Variants in WDFY2 observed in about 807,000 individuals in gnomAD.
WDFY2 encodes the protein WD repeat and FYVE domain-containing protein 2.
Under a neutral mutation model 56.4 loss-of-function variants are expected in WDFY2, and 36 were observed. The observed-to-expected ratio is 0.64, with a 90% CI of 0.49 to 0.84. WDFY2 has a LOEUF of 0.84. WDFY2 is among the 40% of genes least tolerant of loss of function. The pLI, the probability that WDFY2 is intolerant of heterozygous loss-of-function variation, is 0.00. For missense variants in WDFY2, 444 were observed against 512.2 expected, an observed-to-expected ratio of 0.87 and a Z score of 1.29; for synonymous variants, 176 against 183.7, an observed-to-expected ratio of 0.96 and a Z score of 0.34.
At chr13:51,644,535 C>A (rs1208046339) in intron 1 of WDFY2, among the ~76,000 whole-genome samples, 1 of 152,180 alleles carries the variant, frequency 6.6e-6, no homozygotes, top group Non-Finnish European at 1.5e-5. Flanking sequence ...CTGATAAAAA[C>A]TCCAAGGGGA....
intron 1 of WDFY2, among the ~76,000 whole-genome samples, chr13:51,612,863 T>C (rs916647953): frequency 1.3e-5 from 2 of 152,246 alleles, no homozygotes; most frequent in Non-Finnish European, 2.9e-5. Flanking sequence ...GTGGTATATT[T>C]CTTCTTATTA....
chr13:51,757,120 C>A (rs1405219110), intron 10 of WDFY2, among the ~76,000 whole-genome samples: 1 of 152,208 alleles, frequency 6.6e-6, no homozygotes, highest in East Asian at 1.9e-4. Flanking sequence ...AGCTTGTCTT[C>A]TCAATCCTTC....
At chr13:51,656,053 CTTT>C (rs545474478) in intron 1 of WDFY2, among the ~76,000 whole-genome samples, 2 of 133,536 alleles carry the variant, frequency 1.5e-5, no homozygotes, top group African/African-American at 2.7e-5. Context: ...CTATCTTTCC[CTTT>C]TTTTTTTTTT....
intron 1 of WDFY2, among the ~76,000 whole-genome samples, chr13:51,631,770 C>T (rs541168150): frequency 3.5e-4 from 53 of 152,294 alleles, no homozygotes; most frequent in African/African-American, 1.3e-3. Context: ...CTCAAGCAGT[C>T]CTCCCATCTC....
intron 5 of WDFY2, among the ~76,000 whole-genome samples, chr13:51,721,423 T>C: frequency 6.6e-6 from 1 of 152,178 alleles, no homozygotes; most frequent in Non-Finnish European, 1.5e-5. Context: ...CTTTTTAAAC[T>C]ATTTGAAAAT....
intron 8 of WDFY2, among the ~76,000 whole-genome samples, chr13:51,753,954 A>G (rs1953299536): frequency 6.6e-6 from 1 of 151,908 alleles, no homozygotes; most frequent in South Asian, 2.1e-4. Context: ...TTAGCCAGGC[A>G]TGGTTGCAGA....
chr13:51,664,766 A>C (rs143198432), intron 2 of WDFY2, among the ~76,000 whole-genome samples: 11 of 152,304 alleles, frequency 7.2e-5, no homozygotes, highest in Non-Finnish European at 1.3e-4. Flanking sequence ...GTGATCTTTA[A>C]TGAGAAAGGA....
chr13:51,694,365 T>G (rs1442073925), intron 3 of WDFY2, among the ~76,000 whole-genome samples: 7 of 152,204 alleles, frequency 4.6e-5, no homozygotes, highest in Admixed American at 3.9e-4. Flanking sequence ...AGGAGCTCTT[T>G]TAGGGCAGGC....
chr13:51,751,866 A>G lies in WDFY2; in HGVS notation c.831+451A>G, dbSNP rs1306321114. On this transcript the variant is annotated intron_variant, in intron 8 of 11. Coordinates refer to ENST00000298125, the MANE Select transcript of WDFY2 (RefSeq NM_052950.4). Reference sequence around the variant, plus strand: ...GTACTTTATAAGTCATGTTCTAAATAGTTCCCCAGATATCAATATATCCTT... The same window carrying G: ...GTACTTTATAAGTCATGTTCTAAATGGTTCCCCAGATATCAATATATCCTT... Among the ~76,000 whole-genome samples the G allele has an allele frequency of 3.3e-5, 5 of 152,378 alleles. No homozygotes were observed. In the East Asian group the frequency reaches 9.6e-4, roughly 29 times the overall value.
rs1953586759 is a variant in WDFY2 at position 51,761,660 on chromosome 13, C to G, written c.*1891C>G. 1 of 152,244 alleles carries G rather than the reference C, an allele frequency of 6.6e-6. No individual in the cohort carries two copies. Among genetic ancestry groups the G allele is most frequent in the South Asian group, 2.1e-4 (1 of 4,832 alleles). 9.4% of individuals were successfully genotyped at this position (152,244 alleles called of 1,614,324 possible). On this transcript the variant is annotated 3_prime_UTR_variant, in exon 12 of 12. Transcript: ENST00000298125. ...TTGCCCTCACAATCATTCATTACTT[C>G]TCTAACTAGGGGGAAGTACTACAAG...
intron 4 of WDFY2, among the ~76,000 whole-genome samples, chr13:51,709,411 C>A (rs533590150): frequency 1.3e-5 from 2 of 152,054 alleles, no homozygotes; most frequent in Non-Finnish European, 2.9e-5. Flanking sequence ...CCAATGCTTC[C>A]GGAGGTGGGA....
chr13:51,751,972 CAAAT>C (rs1375492288), intron 8 of WDFY2, among the ~76,000 whole-genome samples: 2 of 152,308 alleles, frequency 1.3e-5, no homozygotes, highest in East Asian at 3.9e-4. Context: ...ATCTTAACAA[CAAAT>C]ATGTTTCCTG....
At chr13:51,663,430 T>A (rs575414604) in intron 2 of WDFY2, among the ~76,000 whole-genome samples, 1 of 152,296 alleles carries the variant, frequency 6.6e-6, no homozygotes, top group African/African-American at 2.4e-5. Flanking sequence ...AGATGATTTC[T>A]CTTGAAATCA....
chr13:51,689,836 G>C (rs564135507), intron 3 of WDFY2, among the ~76,000 whole-genome samples: 18 of 152,258 alleles, frequency 1.2e-4, no homozygotes, highest in African/African-American at 4.3e-4. Flanking sequence ...ATTAAGCAAA[G>C]CCTAACATCA....
chr13:51,598,596 G>A (rs1954202063), intron 1 of WDFY2: 1 of 152,120 alleles, frequency 6.6e-6, no homozygotes, highest in South Asian at 2.1e-4. Context: ...TGATCCCTAA[G>A]GAATTCCTCA....
At chr13:51,692,883 G>C (rs1406674083) in intron 3 of WDFY2, among the ~76,000 whole-genome samples, 1 of 152,120 alleles carries the variant, frequency 6.6e-6, no homozygotes, top group Non-Finnish European at 1.5e-5. Context: ...CCTGTTATTG[G>C]TCTATTCAGA....
rs67418551 is a variant in WDFY2 at position 51,737,551 on chromosome 13, TAAAAAAAAAAAAAA to T, written c.599-1480_599-1467del. The stretch of plus-strand genomic sequence containing the variant: ...CTACTGGGGCAGGAGACAATGAATT[TAAAAAAAAAAAAAA>T]AAAAAAAAAAAAAAAAAGAATAATC... On this transcript the variant is annotated intron_variant, in intron 6 of 11. Coordinates refer to ENST00000298125, the MANE Select transcript of WDFY2 (RefSeq NM_052950.4). Among the ~76,000 whole-genome samples the T allele has an allele frequency of 2.1e-3, 113 of 53,256 alleles. 2 individuals carry two copies. Among genetic ancestry groups the T allele is most frequent in the South Asian group, 0.018 (23 of 1,288 alleles). The allele number at this position is 53,256 out of a possible 152,430, so 34.9% of individuals were successfully genotyped here.
chr13:51,589,686 G>A (rs1954007897), intron 1 of WDFY2: 1 of 152,138 alleles, frequency 6.6e-6, no homozygotes, highest in Admixed American at 6.5e-5. Context: ...TGAAAGTTGA[G>A]GACTTTTCAG....
At position 51,666,565 on chromosome 13, in the gene WDFY2, C is replaced by G. The variant is rs755349267; in HGVS notation, c.205+5902C>G. 8.5e-5 allele frequency among the ~76,000 whole-genome samples: 13 copies of G among 152,228 alleles called. 1 individual carries two copies. Among genetic ancestry groups the G allele is most frequent in the South Asian group, 8.3e-4 (4 of 4,816 alleles). On this transcript the variant is annotated intron_variant, in intron 2 of 11. Coordinates refer to ENST00000298125, the MANE Select transcript of WDFY2 (RefSeq NM_052950.4). ...TCTTCTGTTTATTCCAGTGGCTGTA[C>G]AAATATAATTTTCCATGTGTATTAT...
Sources: gnomAD v4.1 joint callset for allele counts (sites outside exome capture counted in the v4.1 genomes callset) on GRCh38, gnomAD v4.1.1 for gene constraint, MANE v1.5 for transcripts, NCBI Gene and HGNC (gene_info 2026-07-23, HGNC 2026-07-21) for gene names.